Variants in EPB41L3 observed in about 807,000 individuals in gnomAD.
EPB41L3 encodes band 4.1-like protein 3.
Under a neutral mutation model 127.1 loss-of-function variants are expected in EPB41L3, and 57 were observed. That is an observed-to-expected ratio of 0.45 (90% CI 0.36 to 0.56). EPB41L3 has a LOEUF of 0.56. Ranked by LOEUF, EPB41L3 falls within the 20% of genes least tolerant of loss-of-function variation. The pLI is 0.00. For synonymous variants in EPB41L3, 572 were observed against 549.5 expected (o/e 1.04, Z -0.57); for missense variants, 1,273 against 1,372.2 (o/e 0.93, Z 1.14).
At chr18:5,554,312 A>G (rs1292407902) in intron 3 of EPB41L3, among the ~76,000 whole-genome samples, 1 of 152,190 alleles carries the variant, frequency 6.6e-6, no homozygotes, top group African/African-American at 2.4e-5. Flanking sequence ...AAGGCATTCA[A>G]TCTATGTGTG....
At chr18:5,597,817 G>A (rs531901410) in intron 3 of EPB41L3, among the ~76,000 whole-genome samples, 17 of 152,232 alleles carry the variant, frequency 1.1e-4, no homozygotes, top group African/African-American at 3.6e-4. Flanking sequence ...CAAGTGGGGT[G>A]TGACTTCATT....
chr18:5,404,252 T>A (rs1217341016), intron 16 of EPB41L3, among the ~76,000 whole-genome samples: 1 of 152,190 alleles, frequency 6.6e-6, no homozygotes, highest in Non-Finnish European at 1.5e-5. Context: ...GCAGGGTTAA[T>A]CAGCCCTGTT....
At chr18:5,616,342 A>G (rs907643670) in intron 1 of EPB41L3, among the ~76,000 whole-genome samples, 3 of 152,068 alleles carry the variant, frequency 2.0e-5, no homozygotes, top group Non-Finnish European at 2.9e-5. Context: ...AATCCTTCCC[A>G]GTCTCCCAGT....
chr18:5,437,201 T>G (rs1029349860), intron 6 of EPB41L3, among the ~76,000 whole-genome samples: 2 of 152,166 alleles, frequency 1.3e-5, no homozygotes, highest in African/African-American at 4.8e-5. Flanking sequence ...GGTGGGGGTC[T>G]CTGGGAAGTG....
At chr18:5,603,033 C>T (rs987388292) in intron 3 of EPB41L3, among the ~76,000 whole-genome samples, 2 of 152,156 alleles carry the variant, frequency 1.3e-5, no homozygotes, top group Admixed American at 1.3e-4. Context: ...AACTACTTCC[C>T]TATCATCAAC....
Position 5,489,224 on chromosome 18 carries a change from C to A in EPB41L3, c.-11-30G>T. On this transcript the variant is annotated intron_variant, in intron 1 of 22. Coordinates refer to ENST00000341928, the MANE Select transcript of EPB41L3 (RefSeq NM_012307.5). ...AAGCAGAAAAAAGGGAAGAGCAGGT[C>A]ACTCCGTGCCACTACCTTCCCTCTG... is the stretch of plus-strand genomic sequence containing the variant. 3.2e-6 allele frequency: 5 copies of A among 1,568,332 alleles called. No homozygotes were observed. In the South Asian group the frequency reaches 4.7e-5, roughly 15 times the overall value.
At chr18:5,398,230 C>T (rs946226796) in intron 16 of EPB41L3, 87 bp from the exon 17 acceptor site, 3 of 1,511,192 alleles carry the variant, frequency 2.0e-6, no homozygotes, top group African/African-American at 2.8e-5. Flanking sequence ...TAGACAAAAT[C>T]GTAGGCAGAG....
chr18:5,603,560 T>A (rs544397715), intron 3 of EPB41L3, among the ~76,000 whole-genome samples: 1 of 152,126 alleles, frequency 6.6e-6, no homozygotes, highest in African/African-American at 2.4e-5. Context: ...CTCCTTTCAA[T>A]GGATATAAGT....
chr18:5,452,556 G>C (rs901893761), intron 3 of EPB41L3, among the ~76,000 whole-genome samples: 1 of 152,082 alleles, frequency 6.6e-6, no homozygotes, highest in African/African-American at 2.4e-5. Context: ...CTTCTGTAGA[G>C]ATGGGGTCTT....
intron 3 of EPB41L3, among the ~76,000 whole-genome samples, chr18:5,557,315 T>C (rs2094051582): frequency 6.6e-6 from 1 of 152,186 alleles, no homozygotes; most frequent in African/African-American, 2.4e-5. Flanking sequence ...TCCTAACATG[T>C]TTTTTTCCTG....
chr18:5,492,211 T>C (rs1410316899), intron 1 of EPB41L3, among the ~76,000 whole-genome samples: 1 of 151,974 alleles, frequency 6.6e-6, no homozygotes, highest in Non-Finnish European at 1.5e-5. Flanking sequence ...TCCTAGCTAC[T>C]AGGAAGGCTG....
At chr18:5,555,216 C>T (rs1311587279) in intron 3 of EPB41L3, among the ~76,000 whole-genome samples, 1 of 152,168 alleles carries the variant, frequency 6.6e-6, no homozygotes, top group African/African-American at 2.4e-5. Flanking sequence ...CAACCTCTGC[C>T]TCCACCAGGG....
intron 1 of EPB41L3, among the ~76,000 whole-genome samples, chr18:5,525,088 C>T (rs2093168813): frequency 6.6e-6 from 1 of 152,188 alleles, no homozygotes; most frequent in Admixed American, 6.5e-5. Flanking sequence ...TCAATTTATT[C>T]AATCTAAAAC....
At chr18:5,621,443 T>C (rs1191889279) in intron 1 of EPB41L3, among the ~76,000 whole-genome samples, 1 of 152,212 alleles carries the variant, frequency 6.6e-6, no homozygotes, top group Non-Finnish European at 1.5e-5. Flanking sequence ...TGAACTAAAG[T>C]GCTCTTTTAA....
chr18:5,519,007 C>A lies in EPB41L3; in HGVS notation c.-12+24906G>T, dbSNP rs145026110. Among the ~76,000 whole-genome samples, 1,032 of 152,260 alleles carry A rather than the reference C, an allele frequency of 6.8e-3. 10 individuals carry two copies. Among genetic ancestry groups the A allele is most frequent in the African/African-American group, 0.024 (978 of 41,536 alleles). On this transcript the variant is annotated intron_variant, in intron 1 of 22. Transcript: ENST00000341928. Reference sequence around the variant, plus strand: ...TAACAGTCAATCTGCTCGGCAAAGACGTCATCTCAGATCGTGTGTCAAGTG... The same window carrying A: ...TAACAGTCAATCTGCTCGGCAAAGAAGTCATCTCAGATCGTGTGTCAAGTG...
Position 5,398,124 on chromosome 18 carries a change from T to A in EPB41L3, c.2369A>T (p.Glu790Val). The change falls in exon 17 of 23, where the codon GAA becomes GTA. Residue 790 changes from glutamate to valine, a missense_variant. Coordinates refer to ENST00000341928, the MANE Select transcript of EPB41L3 (RefSeq NM_012307.5). ...VPEETKQSSG[E>V]KLMDGSEIFS... ...GATTTCAGAGCCATCCATGAGCTTT[T>A]CCCCAGAAGACTGCTTAGTCTGAGT... 1.2e-6 allele frequency: 2 copies of A among 1,614,052 alleles called. No individual in the cohort carries two copies. The highest frequency in any genetic ancestry group is 1.7e-6 in the Non-Finnish European group (2 of 1,180,008).
chr18:5,554,972 C>T (rs537335598), intron 3 of EPB41L3, among the ~76,000 whole-genome samples: 2 of 152,284 alleles, frequency 1.3e-5, no homozygotes, highest in South Asian at 4.1e-4. Flanking sequence ...GAGAAGACGT[C>T]GCAATCCACC....
At position 5,410,589 on chromosome 18, in the gene EPB41L3, C is replaced by A; in HGVS notation, c.2098G>T (p.Asp700Tyr). 1.2e-6 allele frequency: 2 copies of A among 1,613,730 alleles called. No homozygotes were observed. Among genetic ancestry groups the A allele is most frequent in the Non-Finnish European group, 1.7e-6 (2 of 1,179,750 alleles). ...ACCTCAGTGGCAGTGGTCTCCCCGT[C>A]GGCTGCGGTGTCCGTGCGCTCACTG... ...TDSERTDTAA[D>Y]GETTATESDQ... The change falls in exon 14 of 23, where the codon GAC (aspartate) becomes TAC (tyrosine). Residue 700 changes from aspartate to tyrosine, a missense_variant. Asp to Tyr is a radical substitution (Grantham distance 160, BLOSUM62 -3). Transcript: ENST00000341928.
At chr18:5,566,456 A>G (rs1347734828) in intron 3 of EPB41L3, among the ~76,000 whole-genome samples, 1 of 152,222 alleles carries the variant, frequency 6.6e-6, no homozygotes, top group Non-Finnish European at 1.5e-5. Flanking sequence ...TTAATGAAAT[A>G]AAAGAGGATA....
Sources: gnomAD v4.1 joint callset for allele counts (sites outside exome capture counted in the v4.1 genomes callset) on GRCh38, gnomAD v4.1.1 for gene constraint, MANE v1.5 for transcripts, NCBI Gene and HGNC (gene_info 2026-07-23, HGNC 2026-07-21) for gene names.